KIF13A: variants seen among roughly 807,000 people sequenced by gnomAD.
KIF13A encodes the protein kinesin-like protein KIF13A.
Under a neutral mutation model 212.2 loss-of-function variants are expected in KIF13A, and 79 were observed. The observed-to-expected ratio is 0.37, with a 90% CI of 0.31 to 0.45. The LOEUF (loss-of-function observed/expected upper bound fraction) is 0.45. Ranked by LOEUF, KIF13A falls within the 20% of genes least tolerant of loss-of-function variation. The pLI is 1.00. For missense variants in KIF13A, 1,901 were observed against 2,209.0 expected, an observed-to-expected ratio of 0.86 and a Z score of 2.79; for synonymous variants, 789 against 808.6, an observed-to-expected ratio of 0.98 and a Z score of 0.41.
In KIF13A at chr6:17,987,536, CCGCTG is replaced by C; in HGVS notation, c.-78_-74del. 1.2e-6 allele frequency: 1 copy of C among 803,478 alleles called. No individual in the cohort carries two copies. Among genetic ancestry groups the C allele is most frequent in the Non-Finnish European group, 1.5e-6 (1 of 653,384 alleles). 49.8% of individuals were successfully genotyped at this position (803,478 alleles called of 1,614,324 possible). On this transcript the variant is annotated 5_prime_UTR_variant, in exon 1 of 39. It removes the in-frame stop codon of an upstream open reading frame in the 5' UTR. Coordinates refer to ENST00000259711, the MANE Select transcript of KIF13A (RefSeq NM_022113.6). The surrounding 1 kb of genome is among the most constrained non-coding windows in gnomAD (Gnocchi z 7.7). ...CGGCCCCTCACGCGCGGCGCCGCCG[CCGCTG>C]CAGCCGCGCGCCCCTCGAGCGCGGC...
intron 3 of KIF13A, chr6:17,881,523 C>G (rs1053545037): frequency 9.3e-6 from 4 of 431,112 alleles, no homozygotes; most frequent in East Asian, 7.3e-5. Context: ...ATGGTGAAAC[C>G]CTGTCTCTAC....
chr6:17,925,787 G>A (rs931462841), intron 2 of KIF13A, among the ~76,000 whole-genome samples: 2 of 152,168 alleles, frequency 1.3e-5, no homozygotes, highest in African/African-American at 4.8e-5. Flanking sequence ...GAGTAATGAC[G>A]AAGGCAAACA....
rs1261573658 is a variant in KIF13A, at chr6:17,898,829, A to G, written c.147-649T>C. On this transcript the variant is annotated intron_variant, in intron 2 of 38. Transcript: ENST00000259711. The surrounding 1 kb of genome is among the most constrained non-coding windows in gnomAD (Gnocchi z 5.2). ...ACCTGGAAAAAACTCTGAAAAGGAA[A>G]TAGTTTTCTTTCTTTTTTTCTCCAG... is the stretch of plus-strand genomic sequence containing the variant. Among the ~76,000 whole-genome samples, 1 of 152,162 alleles carries G rather than the reference A, an allele frequency of 6.6e-6. No individual in the cohort carries two copies. Among genetic ancestry groups the G allele is most frequent in the Non-Finnish European group, 1.5e-5 (1 of 68,030 alleles).
chr6:17,983,109 G>A (rs2150645963), intron 2 of KIF13A, among the ~76,000 whole-genome samples: 1 of 147,876 alleles, frequency 6.8e-6, no homozygotes, highest in East Asian at 2.0e-4. Context: ...GGAGGCGGAG[G>A]TTGCAGTGAG....
rs1781298554 is a variant in KIF13A at position 17,983,626 on chromosome 6, G to A, written c.146+3428C>T. Among the ~76,000 whole-genome samples, 5 of 152,098 alleles carry A rather than the reference G, an allele frequency of 3.3e-5. No homozygotes were observed. The South Asian group carries it at 1.0e-3, about 32-fold the overall frequency. ...TCCTGCCTTAGGCTCCTAGGCAACT[G>A]GGATTATAGGTATGTACCACTCGGC... is the stretch of plus-strand genomic sequence containing the variant. On this transcript the variant is annotated intron_variant, in intron 2 of 38. Coordinates refer to ENST00000259711, the MANE Select transcript of KIF13A (RefSeq NM_022113.6).
At chr6:17,923,696 C>A (rs190991209) in intron 2 of KIF13A, among the ~76,000 whole-genome samples, 1 of 152,310 alleles carries the variant, frequency 6.6e-6, no homozygotes, top group East Asian at 1.9e-4. Flanking sequence ...AGGGAGCAGA[C>A]CAAAATCTTT....
intron 4 of KIF13A, among the ~76,000 whole-genome samples, chr6:17,861,897 C>A (rs931873575): frequency 6.6e-6 from 1 of 152,188 alleles, no homozygotes; most frequent in Non-Finnish European, 1.5e-5. Flanking sequence ...ATATTCAAAT[C>A]TTTTCTCTTT....
At chr6:17,821,758 C>A in intron 16 of KIF13A, 1 of 1,534,488 alleles carries the variant, frequency 6.5e-7, no homozygotes, top group South Asian at 1.2e-5. Context: ...GCCAAGCTCC[C>A]TCATGCCAAT....
rs548439000 is a variant in KIF13A, at chr6:17,776,003, C to T, written c.4171-941G>A. On this transcript the variant is annotated intron_variant, in intron 34 of 38. Transcript: ENST00000259711. This position sits in a 1 kb window ranked among gnomAD's most constrained non-coding sequence, Gnocchi z 4.6. ...AAGCGATTCTCCTGCCTCAGCCACCCGAGTAGCTGGGATTACAGGCACCTG... is the reference window on the plus strand; with the variant it reads ...AAGCGATTCTCCTGCCTCAGCCACCTGAGTAGCTGGGATTACAGGCACCTG... Among the ~76,000 whole-genome samples, 5 of 152,186 alleles carry T rather than the reference C, an allele frequency of 3.3e-5. No homozygotes were observed. Among genetic ancestry groups the T allele is most frequent in the East Asian group, 3.9e-4 (2 of 5,170 alleles).
At chr6:17,851,370 C>A (rs183492539) in intron 7 of KIF13A, among the ~76,000 whole-genome samples, 1 of 152,332 alleles carries the variant, frequency 6.6e-6, no homozygotes, top group Admixed American at 6.5e-5. Context: ...GCTTGTTTCT[C>A]TGTGCATTCA....
chr6:17,905,661 G>C (rs904824270), intron 2 of KIF13A, among the ~76,000 whole-genome samples: 3 of 152,188 alleles, frequency 2.0e-5, no homozygotes, highest in African/African-American at 7.2e-5. Flanking sequence ...GAAACGCCTG[G>C]AGCAGAATTT....
rs1767396975 is a variant in KIF13A, at chr6:17,849,280, T to C, written c.830+97A>G. The C allele has an allele frequency of 1.2e-6, 1 of 802,930 alleles. No homozygotes were observed. Among genetic ancestry groups the C allele is most frequent in the Non-Finnish European group, 2.0e-6 (1 of 497,740 alleles). The allele number at this position is 802,930 out of a possible 1,614,324, so 49.7% of individuals were successfully genotyped here. A position where few individuals can be genotyped will look rare whatever the true frequency, so the allele number is the denominator to read the frequency against. On this transcript the variant is annotated intron_variant, in intron 9 of 38. Transcript: ENST00000259711. The surrounding 1 kb of genome is among the most constrained non-coding windows in gnomAD (Gnocchi z 5.7). ...CAGTTTACTAAAGCTATACAGACTTTAAACAACCTGTACATCAGAACCATC... is the reference window on the plus strand; with the variant it reads ...CAGTTTACTAAAGCTATACAGACTTCAAACAACCTGTACATCAGAACCATC...
At chr6:17,973,420 C>T (rs1033616428) in intron 2 of KIF13A, among the ~76,000 whole-genome samples, 5 of 152,174 alleles carry the variant, frequency 3.3e-5, no homozygotes, top group African/African-American at 1.2e-4. Context: ...CATTTGACAC[C>T]TTCCATTCTC....
At chr6:17,906,543 G>C (rs1773519730) in intron 2 of KIF13A, among the ~76,000 whole-genome samples, 1 of 150,692 alleles carries the variant, frequency 6.6e-6, no homozygotes, top group Non-Finnish European at 1.5e-5. Flanking sequence ...CAACCTCCTG[G>C]GCTCAAGAGA....
chr6:17,818,536 T>G (rs1336065525), intron 16 of KIF13A, among the ~76,000 whole-genome samples: 1 of 152,204 alleles, frequency 6.6e-6, no homozygotes, highest in Non-Finnish European at 1.5e-5. Context: ...AAGCTCAGTA[T>G]AGATGAGTTG....
Position 17,919,351 on chromosome 6 carries a change from A to G in KIF13A, c.147-21171T>C, listed in dbSNP as rs939956796. On this transcript the variant is annotated intron_variant, in intron 2 of 38. Transcript: ENST00000259711. This position sits in a 1 kb window ranked among gnomAD's most constrained non-coding sequence, Gnocchi z 4.1. ...GTACTATGTACTTAATGCTGCTAAA[A>G]TAAGACCATTGAGAGAATTTCAAAA... Among the ~76,000 whole-genome samples, 1 of 152,238 alleles carries G rather than the reference A, an allele frequency of 6.6e-6. No homozygotes were observed. The highest frequency in any genetic ancestry group is 1.5e-5 in the Non-Finnish European group (1 of 68,036).
intron 2 of KIF13A, among the ~76,000 whole-genome samples, chr6:17,904,862 T>A (rs1477820168): frequency 6.6e-6 from 1 of 152,260 alleles, no homozygotes; most frequent in Admixed American, 6.5e-5. Flanking sequence ...CTTTATTAAT[T>A]GTTGGAAATG....
intron 4 of KIF13A, among the ~76,000 whole-genome samples, chr6:17,857,255 G>A (rs1768232024): frequency 6.6e-6 from 1 of 152,246 alleles, no homozygotes; most frequent in South Asian, 2.1e-4. Context: ...TTGTGATATG[G>A]TTTAGTTCTG....
Position 17,975,252 on chromosome 6 carries a change from C to G in KIF13A, c.146+11802G>C, listed in dbSNP as rs552813347. On this transcript the variant is annotated intron_variant, in intron 2 of 38. Coordinates refer to ENST00000259711, the MANE Select transcript of KIF13A (RefSeq NM_022113.6). Reference sequence around the variant, plus strand: ...TCTGTAATCCCAGCTACTCGGAAGGCTCAGGCAGGAGAATTGTTTGAATCT... The same window carrying G: ...TCTGTAATCCCAGCTACTCGGAAGGGTCAGGCAGGAGAATTGTTTGAATCT... Among the ~76,000 whole-genome samples, 6 of 152,258 alleles carry G rather than the reference C, an allele frequency of 3.9e-5. No individual in the cohort carries two copies. The South Asian group carries it at 1.0e-3, about 26-fold the overall frequency.
Sources: gnomAD v4.1 joint callset for allele counts (sites outside exome capture counted in the v4.1 genomes callset) on GRCh38, gnomAD v4.1.1 for gene constraint, Gnocchi (gnomAD v3.1) non-coding constraint, MANE v1.5 for transcripts, NCBI Gene and HGNC (gene_info 2026-07-23, HGNC 2026-07-21) for gene names.